Variants in SPAG16 observed in about 807,000 individuals in gnomAD.
SPAG16 encodes sperm associated antigen 16.
A neutral mutation model predicts 80.4 loss-of-function variants in SPAG16; 86 were observed. The observed-to-expected ratio is 1.07, with a 90% CI of 0.90 to 1.28. The LOEUF (loss-of-function observed/expected upper bound fraction) is 1.28, where lower values mean the gene tolerates loss of function less well. Ranked by LOEUF, SPAG16 falls within the 50% of genes most tolerant of loss-of-function variation. The pLI is 0.00. For missense variants in SPAG16, 870 were observed against 765.3 expected (o/e 1.14, Z -1.61); for synonymous variants, 294 against 265.9 (o/e 1.11, Z -1.03).
chr2:214,343,201 T>G (rs771500619), intron 15 of SPAG16, among the ~76,000 whole-genome samples: 1 of 152,068 alleles, frequency 6.6e-6, no homozygotes, highest in Non-Finnish European at 1.5e-5. Context: ...AAGAAAAAAG[T>G]CCTCATCTTA....
intron 15 of SPAG16, among the ~76,000 whole-genome samples, chr2:214,210,109 C>T (rs772895369): frequency 9.2e-5 from 14 of 151,996 alleles, no homozygotes; most frequent in Non-Finnish European, 1.9e-4. Context: ...GCTGAAACTC[C>T]AGGACAGGAT....
At chr2:214,144,670 A>G (rs2055542513) in intron 14 of SPAG16, among the ~76,000 whole-genome samples, 1 of 152,094 alleles carries the variant, frequency 6.6e-6, no homozygotes, top group African/African-American at 2.4e-5. Flanking sequence ...TATTATATAT[A>G]TTCTATTGTT....
intron 9 of SPAG16, among the ~76,000 whole-genome samples, chr2:213,481,628 G>GGCAACCAGT (rs2125698507): frequency 6.6e-6 from 1 of 152,254 alleles, no homozygotes; most frequent in South Asian, 2.1e-4. Context: ...GGATTATGGG[G>GGCAACCAGT]GCAACCAGTA....
At chr2:213,456,946 C>T (rs761119317) in intron 9 of SPAG16, among the ~76,000 whole-genome samples, 1 of 151,534 alleles carries the variant, frequency 6.6e-6, no homozygotes, top group Non-Finnish European at 1.5e-5. Context: ...TATAACAAAG[C>T]TGGTTTTTTT....
intron 15 of SPAG16, among the ~76,000 whole-genome samples, chr2:214,197,678 G>A (rs1281605273): frequency 6.6e-6 from 1 of 151,924 alleles, no homozygotes; most frequent in Non-Finnish European, 1.5e-5. Context: ...TATTTTCTCA[G>A]ATTTTTGTTT....
intron 5 of SPAG16, among the ~76,000 whole-genome samples, chr2:213,325,583 G>A (rs2063806831): frequency 6.6e-6 from 1 of 151,330 alleles, no homozygotes; most frequent in Non-Finnish European, 1.5e-5. Context: ...CATAGGATGG[G>A]GATTAAGTTG....
intron 10 of SPAG16, among the ~76,000 whole-genome samples, chr2:213,846,256 G>C (rs1414152620): frequency 6.6e-6 from 1 of 152,044 alleles, no homozygotes; most frequent in South Asian, 2.1e-4. Context: ...GTTGAAGCCT[G>C]TTTAGAAAGA....
chr2:214,399,732 T>G (rs2126142243), intron 15 of SPAG16, among the ~76,000 whole-genome samples: 1 of 152,204 alleles, frequency 6.6e-6, no homozygotes, highest in Non-Finnish European at 1.5e-5. Context: ...TATAAGCCCT[T>G]GGTTCCTTTG....
intron 10 of SPAG16, among the ~76,000 whole-genome samples, chr2:213,645,317 A>G (rs1012473852): frequency 3.3e-5 from 5 of 151,186 alleles, no homozygotes; most frequent in African/African-American, 1.2e-4. Flanking sequence ...GGAATTAGGG[A>G]CCCCAAGAGT....
At chr2:214,083,734 C>T (rs1286516538) in intron 13 of SPAG16, among the ~76,000 whole-genome samples, 1 of 152,094 alleles carries the variant, frequency 6.6e-6, no homozygotes, top group African/African-American at 2.4e-5. Flanking sequence ...AGATTTGTTA[C>T]ATGGGTATGT....
intron 10 of SPAG16, among the ~76,000 whole-genome samples, chr2:213,620,486 G>A (rs766682986): frequency 6.6e-6 from 1 of 151,648 alleles, no homozygotes; most frequent in Non-Finnish European, 1.5e-5. Flanking sequence ...TAGAGATAGG[G>A]TTTCACCGTG....
intron 14 of SPAG16, among the ~76,000 whole-genome samples, chr2:214,132,708 T>C (rs1313929662): frequency 6.6e-6 from 1 of 152,114 alleles, no homozygotes; most frequent in Non-Finnish European, 1.5e-5. Flanking sequence ...ATTTGAGGAA[T>C]AGCCAATAGA....
chr2:213,317,087 T>G, intron 4 of SPAG16, 132 bp from the exon 5 acceptor site: 1 of 519,964 alleles, frequency 1.9e-6, no homozygotes, highest in Admixed American at 3.2e-5. Flanking sequence ...GTTGGACATT[T>G]TAACTTATAA....
intron 10 of SPAG16, among the ~76,000 whole-genome samples, chr2:213,536,830 T>C (rs1303985507): frequency 1.3e-5 from 2 of 152,174 alleles, no homozygotes; most frequent in African/African-American, 4.8e-5. Context: ...CCCAAAGGAC[T>C]ATAAATCATG....
chr2:213,834,283 A>G (rs1478786334), intron 10 of SPAG16, among the ~76,000 whole-genome samples: 1 of 152,208 alleles, frequency 6.6e-6, no homozygotes, highest in Non-Finnish European at 1.5e-5. Flanking sequence ...GGAGAAAAGC[A>G]TAAAAATTTT....
chr2:213,999,731 G>C (rs993713441), intron 12 of SPAG16, among the ~76,000 whole-genome samples: 1 of 152,256 alleles, frequency 6.6e-6, no homozygotes, highest in African/African-American at 2.4e-5. Context: ...AGCCACATGG[G>C]TGAAGCTGCC....
chr2:213,573,110 C>T (rs1046988041), intron 10 of SPAG16, among the ~76,000 whole-genome samples: 9 of 152,166 alleles, frequency 5.9e-5, no homozygotes, highest in Non-Finnish European at 8.8e-5. Flanking sequence ...GCACGGTGCG[C>T]GCACCCACTG....
intron 13 of SPAG16, among the ~76,000 whole-genome samples, chr2:214,020,220 C>G (rs2047794398): frequency 6.6e-6 from 1 of 152,134 alleles, no homozygotes. Flanking sequence ...TTCTTCCATG[C>G]CCTTGGCCAT....
At chr2:213,952,745 G>A (rs1398402280) in intron 12 of SPAG16, among the ~76,000 whole-genome samples, 1 of 152,052 alleles carries the variant, frequency 6.6e-6, no homozygotes, top group East Asian at 1.9e-4. Flanking sequence ...AAGGAATACT[G>A]TCCATCGTAG....
Sources: gnomAD v4.1 joint callset for allele counts (sites outside exome capture counted in the v4.1 genomes callset) on GRCh38, gnomAD v4.1.1 for gene constraint, MANE v1.5 for transcripts, NCBI Gene and HGNC (gene_info 2026-07-23, HGNC 2026-07-21) for gene names.